The following MYO1E variants were observed in gnomAD, a reference collection of about 807,000 sequenced individuals.
The protein encoded by MYO1E is myosin IE, also known as unconventional myosin-Ie.
Under a neutral mutation model 151.1 loss-of-function variants are expected in MYO1E, and 68 were observed. That is an observed-to-expected ratio of 0.45 (90% confidence interval 0.37 to 0.55). The LOEUF (loss-of-function observed/expected upper bound fraction) is 0.55. Among genes scored for constraint, MYO1E ranks in the 20% least tolerant of loss-of-function variants. MYO1E has a pLI of 0.00. For missense variants in MYO1E, 1,363 were observed against 1,389.3 expected, an observed-to-expected ratio of 0.98 and a Z score of 0.30; for synonymous variants, 601 against 501.7, an observed-to-expected ratio of 1.20 and a Z score of -2.64.
At chr15:59,273,501 C>T (rs1404340737) in intron 1 of MYO1E, among the ~76,000 whole-genome samples, 1 of 152,166 alleles carries the variant, frequency 6.6e-6, no homozygotes, top group African/African-American at 2.4e-5. Flanking sequence ...AACATAAACA[C>T]ACACAAAATG....
chr15:59,372,572 T>G lies in MYO1E; in HGVS notation c.-72A>C. 1 of 1,519,634 alleles carries G rather than the reference T, an allele frequency of 6.6e-7. No individual in the cohort carries two copies. The highest frequency in any genetic ancestry group is 8.8e-7 in the Non-Finnish European group (1 of 1,131,966). 94.1% of individuals were successfully genotyped at this position (1,519,634 alleles called of 1,614,324 possible). Reference sequence around the variant, plus strand: ...GAACTGGGGCTGGAACGCAGTCTTCTGGGCGAACTTCAAAAGTTGGTTCCC... The same window carrying G: ...GAACTGGGGCTGGAACGCAGTCTTCGGGGCGAACTTCAAAAGTTGGTTCCC... On this transcript the variant is annotated 5_prime_UTR_variant, in exon 1 of 28. Coordinates refer to ENST00000288235, the MANE Select transcript of MYO1E (RefSeq NM_004998.4).
At chr15:59,333,935 C>G (rs1413516476) in intron 1 of MYO1E, among the ~76,000 whole-genome samples, 1 of 152,156 alleles carries the variant, frequency 6.6e-6, no homozygotes, top group African/African-American at 2.4e-5. Context: ...GAAAGGTAAG[C>G]GACTTCCTGA....
At chr15:59,331,191 T>C (rs1455076684) in intron 1 of MYO1E, among the ~76,000 whole-genome samples, 1 of 152,212 alleles carries the variant, frequency 6.6e-6, no homozygotes, top group Admixed American at 6.5e-5. Flanking sequence ...ATTTACTATC[T>C]AGCCTTTTAC....
chr15:59,207,471 C>G, intron 14 of MYO1E: 1 of 1,613,958 alleles, frequency 6.2e-7, no homozygotes, highest in South Asian at 1.1e-5. Context: ...TCCAGTACAG[C>G]CCCCACTGCA....
At position 59,304,991 on chromosome 15, in the gene MYO1E, G is replaced by A. The variant is rs74017705; in HGVS notation, c.4-32542C>T. 2.5e-3 allele frequency among the ~76,000 whole-genome samples: 388 copies of A among 152,254 alleles called. 3 individuals are homozygous for A. The highest frequency in any genetic ancestry group is 8.8e-3 in the African/African-American group (367 of 41,552). Reference sequence around the variant, plus strand: ...GTCCAAGGTCAGTGCTCTGTGAGTCGGCTTATGGCCAACAGGAAGACAACA... The same window carrying A: ...GTCCAAGGTCAGTGCTCTGTGAGTCAGCTTATGGCCAACAGGAAGACAACA... On this transcript the variant is annotated intron_variant, in intron 1 of 27. Coordinates refer to ENST00000288235, the MANE Select transcript of MYO1E (RefSeq NM_004998.4).
At chr15:59,299,357 G>T (rs571057385) in intron 1 of MYO1E, among the ~76,000 whole-genome samples, 1 of 152,284 alleles carries the variant, frequency 6.6e-6, no homozygotes, top group Non-Finnish European at 1.5e-5. Flanking sequence ...TAATTACAGG[G>T]ATGGCATTTT....
Position 59,363,069 on chromosome 15 carries a change from A to G in MYO1E, c.3+9429T>C, listed in dbSNP as rs1390499802. Reference sequence around the variant, plus strand: ...CGGCTCACTGCAAGCTCCGCCTCCCAGGCTCACGCCATTCTCCCACCTCAG... The same window carrying G: ...CGGCTCACTGCAAGCTCCGCCTCCCGGGCTCACGCCATTCTCCCACCTCAG... On this transcript the variant is annotated intron_variant, in intron 1 of 27. Coordinates refer to ENST00000288235, the MANE Select transcript of MYO1E (RefSeq NM_004998.4). 2.1e-5 allele frequency among the ~76,000 whole-genome samples: 3 copies of G among 141,892 alleles called. No homozygotes were observed. In the Admixed American group the frequency reaches 2.3e-4, roughly 11 times the overall value. The allele number at this position is 141,892 out of a possible 152,430, so 93.1% of individuals were successfully genotyped here.
chr15:59,277,552 A>ACAAAAAAAAAC (rs373632903), intron 1 of MYO1E, among the ~76,000 whole-genome samples: 1 of 73,762 alleles, frequency 1.4e-5, no homozygotes, highest in African/African-American at 4.5e-5. Context: ...CCCCCACAAA[A>ACAAAAAAAAAC]AAAAAAAAAA....
At chr15:59,230,258 G>A (rs1165390806) in intron 6 of MYO1E, among the ~76,000 whole-genome samples, 1 of 150,958 alleles carries the variant, frequency 6.6e-6, no homozygotes, top group East Asian at 1.9e-4. Context: ...GTGTGTGCAG[G>A]TGAATGTGTG....
At chr15:59,227,727 A>C in intron 6 of MYO1E, 137 bp from the exon 7 acceptor site, 1 of 1,195,126 alleles carries the variant, frequency 8.4e-7, no homozygotes, top group Non-Finnish European at 1.2e-6. Flanking sequence ...ATTTGAGTCT[A>C]GACTTCCTTA....
intron 1 of MYO1E, among the ~76,000 whole-genome samples, chr15:59,352,135 T>C (rs960548601): frequency 6.6e-6 from 1 of 152,178 alleles, no homozygotes; most frequent in Non-Finnish European, 1.5e-5. Context: ...ATTCTGTGCA[T>C]CTCCTTAAGG....
chr15:59,183,768 G>A (rs564290294), intron 18 of MYO1E, among the ~76,000 whole-genome samples: 2 of 152,114 alleles, frequency 1.3e-5, no homozygotes, highest in African/African-American at 4.8e-5. Flanking sequence ...GGAAACACTA[G>A]GTCTTACTCA....
At chr15:59,277,554 A>ACAACAACAACAAC (rs2080327050) in intron 1 of MYO1E, among the ~76,000 whole-genome samples, 1 of 33,416 alleles carries the variant, frequency 3.0e-5, no homozygotes. Context: ...CCCACAAAAA[A>ACAACAACAACAAC]AAAAAAAAAA....
chr15:59,349,759 T>C (rs1158427319), intron 1 of MYO1E, among the ~76,000 whole-genome samples: 1 of 152,234 alleles, frequency 6.6e-6, no homozygotes, highest in Non-Finnish European at 1.5e-5. Flanking sequence ...AGCAGGGATG[T>C]GTCTGTTTTC....
chr15:59,213,642 G>A (rs1191219693), intron 12 of MYO1E, among the ~76,000 whole-genome samples: 3 of 141,808 alleles, frequency 2.1e-5, no homozygotes, highest in Non-Finnish European at 4.6e-5. Context: ...TATTTTTTTT[G>A]TATGGATGGG....
At chr15:59,338,155 A>G (rs1476934961) in intron 1 of MYO1E, among the ~76,000 whole-genome samples, 1 of 129,966 alleles carries the variant, frequency 7.7e-6, no homozygotes, top group East Asian at 4.0e-4. Flanking sequence ...AAAAGTGTTC[A>G]AGTCTAAAAA....
chr15:59,208,909 T>C (rs2079858922), intron 13 of MYO1E, 61 bp from the exon 14 acceptor site: 1 of 1,596,654 alleles, frequency 6.3e-7, no homozygotes, highest in Non-Finnish European at 8.6e-7. Flanking sequence ...ACAATGCTTA[T>C]CAGGTCCTTT....
intron 1 of MYO1E, 101 bp downstream of exon 1, chr15:59,372,397 A>AC: frequency 7.0e-7 from 1 of 1,425,368 alleles, no homozygotes. Flanking sequence ...CACCTTCTCC[A>AC]CCCCTGGCCC....
Position 59,138,219 on chromosome 15 carries a change from T to G in MYO1E, c.3229A>C (p.Ile1077Leu). 6.2e-7 allele frequency: 1 copy of G among 1,614,218 alleles called. No homozygotes were observed. The highest frequency in any genetic ancestry group is 1.3e-5 in the African/African-American group (1 of 75,064). The change falls in exon 27 of 28, where the codon ATT becomes CTT. Residue 1077 changes from isoleucine to leucine, a missense_variant. By Grantham distance (5) the Ile-to-Leu change is conservative. Coordinates refer to ENST00000288235, the MANE Select transcript of MYO1E (RefSeq NM_004998.4). ...TDELSFNANDIIDIIKEDPSG... is the reference protein window; with the variant it reads ...TDELSFNANDLIDIIKEDPSG... The stretch of plus-strand genomic sequence containing the variant: ...TTACCTTCTTTGATAATATCAATAA[T>G]GTCATTGGCATTAAAGCTGAGTTCG...
Sources: gnomAD v4.1 joint callset for allele counts (sites outside exome capture counted in the v4.1 genomes callset) on GRCh38, gnomAD v4.1.1 for gene constraint, MANE v1.5 for transcripts, NCBI Gene and HGNC (gene_info 2026-07-23, HGNC 2026-07-21) for gene names.